The following EBLN2 variants were observed in gnomAD, a reference collection of about 807,000 sequenced individuals.
The protein encoded by EBLN2 is endogenous Bornavirus like nucleoprotein 2.
For synonymous variants in EBLN2, 131 were observed against 113.6 expected (o/e 1.15, Z -0.97); for missense variants, 397 against 324.2 (o/e 1.22, Z -1.72).
At chr3:73,062,619 TCATCAGTTCTC>T in the EBLN2 span, 1 of 1,614,000 alleles carries the variant, frequency 6.2e-7, no homozygotes, top group Non-Finnish European at 8.5e-7. Flanking sequence ...CCTTGAGAAG[TCATCAGTTCTC>T]CGCCACTGCT....
At position 73,061,843 on chromosome 3, in the gene EBLN2, G is replaced by T. The variant is rs1241878306; in HGVS notation, c.-239G>T. 1.2e-5 allele frequency: 5 copies of T among 421,080 alleles called. No individual in the cohort carries two copies. The highest frequency in any genetic ancestry group is 2.1e-5 in the Non-Finnish European group (5 of 232,924). 26.1% of individuals were successfully genotyped at this position (421,080 alleles called of 1,614,324 possible). ...CTTCCAAAGTGCTGAGATTACAGAT[G>T]TGAACCACCACACCCAGCCCAGTCA... On this transcript the variant is annotated 5_prime_UTR_variant, in exon 1 of 1. It removes an upstream start codon present in the reference 5' UTR. Transcript: ENST00000533473.
chr3:73,062,299 T>C lies in EBLN2; in HGVS notation c.218T>C (p.Leu73Pro). ...DAMDRSGLPDLQGRFELSGKN... is the reference protein window; with the variant it reads ...DAMDRSGLPDPQGRFELSGKN... ...ATGGACAGGAGTGGGCTCCCTGACC[T>C]TCAAGGAAGATTTGAGCTATCTGGG... Residue 73 changes from leucine (L) to proline (P), a missense_variant, in exon 1 of 1, where the codon CTT becomes CCT. Leu to Pro is a moderately conservative substitution (Grantham distance 98). Transcript: ENST00000533473. 1 of 1,607,678 alleles carries C rather than the reference T, an allele frequency of 6.2e-7. No individual in the cohort carries two copies. Among genetic ancestry groups the C allele is most frequent in the East Asian group, 2.2e-5 (1 of 44,688 alleles).
chr3:73,061,963 A>G lies in EBLN2; in HGVS notation c.-119A>G, dbSNP rs1410415201. 1 of 663,138 alleles carries G rather than the reference A, an allele frequency of 1.5e-6. No individual in the cohort carries two copies. The highest frequency in any genetic ancestry group is 2.5e-6 in the Non-Finnish European group (1 of 392,198). 41.1% of individuals were successfully genotyped at this position (663,138 alleles called of 1,614,324 possible). A position where few individuals can be genotyped will look rare whatever the true frequency, so the allele number is the denominator to read the frequency against. On this transcript the variant is annotated 5_prime_UTR_variant, in exon 1 of 1. Coordinates refer to ENST00000533473, the MANE Select transcript of EBLN2 (RefSeq NM_018029.4). The stretch of plus-strand genomic sequence containing the variant: ...ATATTTCTTGACAGAAAAACTATTA[A>G]AATGTATACATGATAAAAATTTCTT...
rs1296087670 is a variant in EBLN2 at position 73,061,880 on chromosome 3, G to T, written c.-202G>T. 3 of 507,056 alleles carry T rather than the reference G, an allele frequency of 5.9e-6. No individual in the cohort carries two copies. The highest frequency in any genetic ancestry group is 7.9e-5 in the Admixed American group (2 of 25,460). 31.4% of individuals were successfully genotyped at this position (507,056 alleles called of 1,614,324 possible). ...ACCCAGCCCAGTCAATTTGTTTTTA[G>T]AATGTTCCCAAGAATATAGTTATGT... On this transcript the variant is annotated 5_prime_UTR_variant, in exon 1 of 1. Transcript: ENST00000533473.
chr3:73,061,684 C>G lies in EBLN2; in HGVS notation c.-398C>G, dbSNP rs988097413. 9 of 182,416 alleles carry G rather than the reference C, an allele frequency of 4.9e-5. No homozygotes were observed. The highest frequency in any genetic ancestry group is 1.0e-4 in the Non-Finnish European group (9 of 88,290). 11.3% of individuals were successfully genotyped at this position (182,416 alleles called of 1,614,324 possible). A position where few individuals can be genotyped will look rare whatever the true frequency, so the allele number is the denominator to read the frequency against. On this transcript the variant is annotated 5_prime_UTR_variant, in exon 1 of 1. Coordinates refer to ENST00000533473, the MANE Select transcript of EBLN2 (RefSeq NM_018029.4). ...GAAAGGCAGGGAGGGGAGGTTGTCC[C>G]CTGCTGAGAACCATTGGTTTAAGGT...
In EBLN2 at chr3:73,062,658, A is replaced by T. The variant is rs2231926; in HGVS notation, c.577A>T (p.Ile193Phe). ...CCACTGCTGTGACCTTTTGATAGGC[A>T]TTGCGGCTGGATCAAGTGATAAGAT... ...LRHCCDLLIG[I>F]AAGSSDKICT... Residue 193 changes from isoleucine (I) to phenylalanine (F), a missense_variant, in exon 1 of 1, where the codon ATT becomes TTT. Coordinates refer to ENST00000533473, the MANE Select transcript of EBLN2 (RefSeq NM_018029.4). 6.2e-7 allele frequency: 1 copy of T among 1,613,564 alleles called. No homozygotes were observed. Among genetic ancestry groups the T allele is most frequent in the Non-Finnish European group, 8.5e-7 (1 of 1,179,814 alleles).
At position 73,062,851 on chromosome 3, in the gene EBLN2, T is replaced by C. The variant is rs1049696443; in HGVS notation, c.770T>C (p.Leu257Pro). 1 of 1,613,798 alleles carries C rather than the reference T, an allele frequency of 6.2e-7. No homozygotes were observed. Among genetic ancestry groups the C allele is most frequent in the Non-Finnish European group, 8.5e-7 (1 of 1,179,800 alleles). Residue 257 changes from leucine to proline, a missense_variant, in exon 1 of 1, where the codon CTA becomes CCA. By Grantham distance (98) the Leu-to-Pro change is moderately conservative. Coordinates refer to ENST00000533473, the MANE Select transcript of EBLN2 (RefSeq NM_018029.4). Reference sequence around the variant, plus strand: ...GTTGGAGAATTAATGTTCACACTTCTATTTGGAGACTTTGAATCCCCTCTA... The same window carrying C: ...GTTGGAGAATTAATGTTCACACTTCCATTTGGAGACTTTGAATCCCCTCTA... ...PWVGELMFTL[L>P]FGDFESPLHK...
chr3:73,062,585 C>G lies in EBLN2; in HGVS notation c.504C>G (p.Phe168Leu), dbSNP rs764474856. The change falls in exon 1 of 1, where the codon TTC becomes TTG. Residue 168 changes from phenylalanine (F) to leucine (L), a missense_variant. Phe to Leu is a conservative substitution (Grantham distance 22, BLOSUM62 0). Coordinates refer to ENST00000533473, the MANE Select transcript of EBLN2 (RefSeq NM_018029.4). ...GGGGTACTCCTTATGCTAGCAGATT[C>G]AAAGATATGCCTAACTTTATTGCCC... ...EERGTPYASR[F>L]KDMPNFIALE... 2 of 1,613,978 alleles carry G rather than the reference C, an allele frequency of 1.2e-6. No homozygotes were observed. The highest frequency in any genetic ancestry group is 1.7e-6 in the Non-Finnish European group (2 of 1,179,886).
In EBLN2 at chr3:73,062,512, G is replaced by T. The variant is rs188731444; in HGVS notation, c.431G>T (p.Gly144Val). 1.9e-6 allele frequency: 3 copies of T among 1,613,860 alleles called. No homozygotes were observed. Among genetic ancestry groups the T allele is most frequent in the African/African-American group, 1.3e-5 (1 of 75,040 alleles). Residue 144 changes from glycine (G) to valine (V), a missense_variant, in exon 1 of 1, where the codon GGT becomes GTT. Transcript: ENST00000533473. ...DGLHQALLSV[G>V]VSKRSNTVVG... ...TTACACCAGGCATTACTGAGTGTTG[G>T]TGTGAGCAAGAGGTCTAATACTGTG...
At position 73,062,645 on chromosome 3, in the gene EBLN2, C is replaced by G; in HGVS notation, c.564C>G (p.Asp188Glu). Residue 188 changes from aspartate to glutamate, a missense_variant, in exon 1 of 1, where the codon GAC becomes GAG. Transcript: ENST00000533473. ...CATCAGTTCTCCGCCACTGCTGTGA[C>G]CTTTTGATAGGCATTGCGGCTGGAT... is the stretch of plus-strand genomic sequence containing the variant. ...EKSSVLRHCC[D>E]LLIGIAAGSS... is the part of the protein sequence containing the mutation. The G allele has an allele frequency of 2.5e-6, 4 of 1,613,970 alleles. No homozygotes were observed. In the South Asian group the frequency reaches 4.4e-5, roughly 18 times the overall value.
In EBLN2 at chr3:73,063,163, A is replaced by G. The variant is rs575848491; in HGVS notation, c.*263A>G. ...CTACTGGGCCAAGATGAGCAACCCC[A>G]CATTTTTGGGATTTAAAGCTCCTGA... On this transcript the variant is annotated 3_prime_UTR_variant, in exon 1 of 1. Transcript: ENST00000533473. The G allele has an allele frequency of 1.3e-4, 60 of 466,130 alleles. No homozygotes were observed. Among genetic ancestry groups the G allele is most frequent in the Non-Finnish European group, 1.5e-4 (39 of 253,308 alleles). The allele number at this position is 466,130 out of a possible 1,614,324, so 28.9% of individuals were successfully genotyped here.
chr3:73,062,156 C>G, the EBLN2 span: 2 of 1,548,056 alleles, frequency 1.3e-6, no homozygotes, highest in Non-Finnish European at 1.7e-6. Context: ...ACAGATCTTA[C>G]AAAAGATCTT....
chr3:73,062,869 C>T lies in EBLN2; in HGVS notation c.788C>T (p.Ser263Phe). 1 of 1,613,470 alleles carries T rather than the reference C, an allele frequency of 6.2e-7. No individual in the cohort carries two copies. The highest frequency in any genetic ancestry group is 8.5e-7 in the Non-Finnish European group (1 of 1,179,694). ...MFTLLFGDFE[S>F]PLHKLRKSS is the part of the protein sequence containing the mutation. ...ACACTTCTATTTGGAGACTTTGAAT[C>T]CCCTCTACACAAGCTACGCAAGTCA... The change falls in exon 1 of 1, where the codon TCC becomes TTC. Residue 263 changes from serine (S) to phenylalanine (F), a missense_variant. Physicochemically the swap from Ser to Phe is radical, Grantham distance 155. Coordinates refer to ENST00000533473, the MANE Select transcript of EBLN2 (RefSeq NM_018029.4).
rs545224554 is a variant in EBLN2 at position 73,062,826 on chromosome 3, G to A, written c.745G>A (p.Val249Ile). The A allele has an allele frequency of 4.3e-6, 7 of 1,613,920 alleles. No homozygotes were observed. The East Asian group carries it at 1.6e-4, about 36-fold the overall frequency. The change falls in exon 1 of 1, where the codon GTT (valine) becomes ATT (isoleucine). Residue 249 changes from valine (V) to isoleucine (I), a missense_variant. Coordinates refer to ENST00000533473, the MANE Select transcript of EBLN2 (RefSeq NM_018029.4). Reference sequence around the variant, plus strand: ...AGGTTGGATCAGCTCAAGACCATGGGTTGGAGAATTAATGTTCACACTTCT... The same window carrying A: ...AGGTTGGATCAGCTCAAGACCATGGATTGGAGAATTAATGTTCACACTTCT... ...AIGWISSRPW[V>I]GELMFTLLFG...
rs758501430 is a variant in EBLN2 at position 73,062,402 on chromosome 3, C to T, written c.321C>T (p.Ala107=). The change falls in exon 1 of 1, where the codon GCC becomes GCT. Residue 107 remains alanine (A), a synonymous_variant. Coordinates refer to ENST00000533473, the MANE Select transcript of EBLN2 (RefSeq NM_018029.4). The part of the protein sequence containing the change: ...IGDIKDIKKA[A]KSMLDPAHKS... ...ATATTAAGGACATTAAAAAAGCAGC[C>T]AAGTCTATGCTAGACCCAGCACATA... 2.5e-6 allele frequency: 4 copies of T among 1,607,516 alleles called. No homozygotes were observed. Among genetic ancestry groups the T allele is most frequent in the South Asian group, 1.1e-5 (1 of 90,072 alleles).
Position 73,062,182 on chromosome 3 carries a change from T to A in EBLN2, c.101T>A (p.Leu34His). 6.4e-7 allele frequency: 1 copy of A among 1,559,272 alleles called. No homozygotes were observed. Among genetic ancestry groups the A allele is most frequent in the Non-Finnish European group, 8.6e-7 (1 of 1,156,248 alleles). ...SYKRSFRPMI[L>H]NKIKELSRNQ... ...AAAAGATCTTTTAGACCTATGATTC[T>A]TAACAAAATTAAAGAATTAAGTCGG... Residue 34 changes from leucine to histidine, a missense_variant, in exon 1 of 1, where the codon CTT becomes CAT. Coordinates refer to ENST00000533473, the MANE Select transcript of EBLN2 (RefSeq NM_018029.4).
rs201760844 is a variant in EBLN2 at position 73,062,477 on chromosome 3, A to T, written c.396A>T (p.Ile132=). Residue 132 remains isoleucine, a synonymous_variant, in exon 1 of 1, where the codon ATA becomes ATT. Transcript: ENST00000533473. ...VTPSLVFLCF[I]FDGLHQALLS... Reference sequence around the variant, plus strand: ...CAAGTTTAGTATTCTTGTGTTTCATATTTGATGGGTTACACCAGGCATTAC... The same window carrying T: ...CAAGTTTAGTATTCTTGTGTTTCATTTTTGATGGGTTACACCAGGCATTAC... 5.6e-6 allele frequency: 9 copies of T among 1,613,184 alleles called. No homozygotes were observed. The highest frequency in any genetic ancestry group is 7.6e-6 in the Non-Finnish European group (9 of 1,179,558).
Position 73,063,195 on chromosome 3 carries a change from A to G in EBLN2, c.*295A>G. The G allele has an allele frequency of 2.5e-6, 1 of 397,688 alleles. No individual in the cohort carries two copies. The highest frequency in any genetic ancestry group is 2.9e-5 in the South Asian group (1 of 34,760). 24.6% of individuals were successfully genotyped at this position (397,688 alleles called of 1,614,324 possible). A position where few individuals can be genotyped will look rare whatever the true frequency, so the allele number is the denominator to read the frequency against. On this transcript the variant is annotated 3_prime_UTR_variant, in exon 1 of 1. Coordinates refer to ENST00000533473, the MANE Select transcript of EBLN2 (RefSeq NM_018029.4). ...TGGGATTTAAAGCTCCTGATGTTAT[A>G]CCAGGATCAACCATCACACTCCCTT... is the stretch of plus-strand genomic sequence containing the variant.
Position 73,062,217 on chromosome 3 carries a change from T to C in EBLN2, c.136T>C (p.Ser46Pro), listed in dbSNP as rs2231924. ...TAAAGAATTAAGTCGGAACCAATTT[T>C]CCACAATGTCTCATCTAAGAAAGGA... ...KIKELSRNQFSTMSHLRKDSQ... is the reference protein window; with the variant it reads ...KIKELSRNQFPTMSHLRKDSQ... Residue 46 changes from serine (S) to proline (P), a missense_variant, in exon 1 of 1, where the codon TCC (serine) becomes CCC (proline). Coordinates refer to ENST00000533473, the MANE Select transcript of EBLN2 (RefSeq NM_018029.4). 821,089 of 1,589,304 alleles carry C rather than the reference T, an allele frequency of 0.52. 213,889 individuals are homozygous for C. Among genetic ancestry groups the C allele is most frequent in the African/African-American group, 0.62 (45,926 of 73,486 alleles).
Sources: gnomAD v4.1 joint callset for allele counts on GRCh38, gnomAD v4.1.1 for gene constraint, MANE v1.5 for transcripts, NCBI Gene and HGNC (gene_info 2026-07-23, HGNC 2026-07-21) for gene names.